TSPAN1: variants seen among roughly 807,000 people sequenced by gnomAD.
TSPAN1 encodes the protein tetraspanin-1.
A neutral mutation model predicts 26.9 loss-of-function variants in TSPAN1; 23 were observed. The observed-to-expected ratio is 0.85, with a 90% CI of 0.62 to 1.21. The LOEUF is 1.21. TSPAN1 is among the 50% of genes most tolerant of loss of function. The probability of loss-of-function intolerance (pLI) is 0.00; values close to 1 mark genes in which losing one functional copy is unlikely to be tolerated. For missense variants in TSPAN1, 283 were observed against 298.4 expected (o/e 0.95, Z 0.38); for synonymous variants, 115 against 114.8 (o/e 1.00, Z -0.01).
the TSPAN1 span, chr1:46,194,159 T>C: frequency 6.3e-7 from 1 of 1,591,122 alleles, no homozygotes; most frequent in Non-Finnish European, 8.6e-7. Flanking sequence ...GTGTAAATCC[T>C]GCCCCTGGTT....
intron 3 of TSPAN1, chr1:46,183,743 C>T (rs1657362551): frequency 5.2e-6 from 1 of 191,106 alleles, no homozygotes; most frequent in Non-Finnish European, 1.1e-5. Context: ...GAACCTCAGC[C>T]TCGCCTCCAT....
the TSPAN1 span, chr1:46,193,316 G>A: frequency 4.0e-5 from 64 of 1,613,552 alleles, no homozygotes; most frequent in Non-Finnish European, 4.7e-5. Context: ...TGAGACACGC[G>A]GGCATTCTTG....
At chr1:46,184,012 A>G in intron 3 of TSPAN1, 179 bp from the exon 4 acceptor site, 1 of 649,276 alleles carries the variant, frequency 1.5e-6, no homozygotes, top group Non-Finnish European at 2.7e-6. Context: ...CTAGCTATGC[A>G]TATCCCAGCT....
chr1:46,183,112 T>A (rs1657350034), intron 3 of TSPAN1, among the ~76,000 whole-genome samples: 1 of 152,154 alleles, frequency 6.6e-6, no homozygotes, highest in Non-Finnish European at 1.5e-5. Flanking sequence ...ACTGTGCCAG[T>A]CCTGAACTAG....
At chr1:46,192,607 C>A in the TSPAN1 span, 1 of 1,613,404 alleles carries the variant, frequency 6.2e-7, no homozygotes, top group South Asian at 1.1e-5. Context: ...GAGGCAGGGT[C>A]AAAGAGTTCA....
chr1:46,189,259 T>C (rs772014576), downstream of TSPAN1: 2 of 1,612,570 alleles, frequency 1.2e-6, no homozygotes, highest in Admixed American at 3.3e-5. Flanking sequence ...CGCAGGGTCC[T>C]GGAGGAGGTC....
At chr1:46,190,576 G>T, downstream of TSPAN1, 23 of 1,539,986 alleles carry the variant, frequency 1.5e-5, no homozygotes, top group Non-Finnish European at 2.1e-5. Flanking sequence ...CCCATGGGTA[G>T]CACTGAGCAG....
At chr1:46,188,267 C>T (rs1657483879), downstream of TSPAN1, among the ~76,000 whole-genome samples, 4 of 152,318 alleles carry the variant, frequency 2.6e-5, no homozygotes, top group South Asian at 6.2e-4. Flanking sequence ...ATGATGCCTG[C>T]CCAGTCCTGT....
chr1:46,186,820 G>A (rs1445489355), downstream of TSPAN1, among the ~76,000 whole-genome samples: 16 of 151,790 alleles, frequency 1.1e-4, no homozygotes, highest in Non-Finnish European at 2.9e-5. Flanking sequence ...CCGCCACCTC[G>A]CCCGGGTAAT....
intron 3 of TSPAN1, among the ~76,000 whole-genome samples, chr1:46,182,747 A>G (rs1657342169): frequency 6.6e-6 from 1 of 152,034 alleles, no homozygotes; most frequent in African/African-American, 2.4e-5. Flanking sequence ...TCTAGTTCTG[A>G]TGTGGTCTGT....
the TSPAN1 span, chr1:46,194,041 T>C: frequency 9.0e-6 from 14 of 1,556,640 alleles, no homozygotes; most frequent in African/African-American, 9.4e-5. Context: ...AGGGAAGGGA[T>C]AGAGGATCTT....
the TSPAN1 span, chr1:46,192,135 A>G: frequency 6.2e-7 from 1 of 1,613,898 alleles, no homozygotes; most frequent in Non-Finnish European, 8.5e-7. Flanking sequence ...GACGATGCCA[A>G]AGTGGTAGGA....
At chr1:46,192,315 G>A in the TSPAN1 span, 15 of 1,614,006 alleles carry the variant, frequency 9.3e-6, no homozygotes, top group South Asian at 7.7e-5. Flanking sequence ...TACCTTTTCC[G>A]GTGTAGGCCA....
chr1:46,184,792 A>G lies in TSPAN1; in HGVS notation c.347A>G (p.His116Arg), dbSNP rs747354292. The change falls in exon 6 of 9, where the codon CAC (histidine) becomes CGC (arginine). Residue 116 changes from histidine (H) to arginine (R), a missense_variant. By Grantham distance (29) the His-to-Arg change is conservative. Coordinates refer to ENST00000372003, the MANE Select transcript of TSPAN1 (RefSeq NM_005727.4). ...CTGGCCTGCCTCACCCAGGCTGAGC[A>G]CTTCCTGACGTTGCTGGTAGTGCCT... ...VALVYTTMAE[H>R]FLTLLVVPAI... 7 of 1,614,172 alleles carry G rather than the reference A, an allele frequency of 4.3e-6. No individual in the cohort carries two copies. The Admixed American group carries it at 1.2e-4, about 27-fold the overall frequency.
chr1:46,184,107 G>C, intron 3 of TSPAN1, 84 bp from the exon 4 acceptor site: 2 of 1,448,684 alleles, frequency 1.4e-6, no homozygotes, highest in Non-Finnish European at 1.9e-6. Flanking sequence ...GAAGTTTCTC[G>C]GCTCCCATCC....
chr1:46,192,218 C>T, the TSPAN1 span: 1 of 1,614,194 alleles, frequency 6.2e-7, no homozygotes, highest in East Asian at 2.2e-5. Context: ...TGTCCCAATC[C>T]CAGAGCTGGC....
downstream of TSPAN1, among the ~76,000 whole-genome samples, chr1:46,188,000 C>T (rs1170404824): frequency 1.3e-5 from 2 of 152,142 alleles, no homozygotes; most frequent in African/African-American, 4.8e-5. Context: ...TCACAGATCC[C>T]TTAAATGTTC....
the TSPAN1 span, chr1:46,196,112 C>G: frequency 6.2e-7 from 1 of 1,613,572 alleles, no homozygotes; most frequent in Admixed American, 1.7e-5. The surrounding 1 kb of genome is among the most constrained non-coding windows in gnomAD (Gnocchi z 4.4). Flanking sequence ...CAGCTTTTCA[C>G]TCTGGCATTC....
chr1:46,196,318 G>C, the TSPAN1 span, among the ~76,000 whole-genome samples: 6 of 152,122 alleles, frequency 3.9e-5, no homozygotes, highest in African/African-American at 1.4e-4. The surrounding 1 kb of genome is among the most constrained non-coding windows in gnomAD (Gnocchi z 4.4). Context: ...GGCTCTTAGA[G>C]CCTCTGCTGT....
Sources: allele counts gnomAD v4.1 joint callset (sites outside exome capture counted in the v4.1 genomes callset), GRCh38; gene constraint gnomAD v4.1.1; non-coding constraint Gnocchi (gnomAD v3.1); transcripts MANE v1.5; gene names NCBI Gene and HGNC (gene_info 2026-07-23, HGNC 2026-07-21).